The following CDH20 variants were observed in gnomAD, a reference collection of about 807,000 sequenced individuals.
The protein encoded by CDH20 is cadherin-20.
CDH20 carries 29 observed loss-of-function variants against 74.2 expected under a neutral mutation model. The ratio of observed to expected loss-of-function variants is 0.39; its 90% CI spans 0.29 to 0.53. CDH20 has a LOEUF of 0.53. Among genes scored for constraint, CDH20 ranks in the 20% least tolerant of loss-of-function variants. The pLI, the probability that CDH20 is intolerant of heterozygous loss-of-function variation, is 0.69. For synonymous variants in CDH20, 469 were observed against 405.4 expected, an observed-to-expected ratio of 1.16 and a Z score of -1.88; for missense variants, 988 against 1,048.3, an observed-to-expected ratio of 0.94 and a Z score of 0.79.
chr18:61,499,031 C>G (rs1911267250), intron 2 of CDH20, among the ~76,000 whole-genome samples, 155 bp from the exon 3 acceptor site: 1 of 152,034 alleles, frequency 6.6e-6, no homozygotes, highest in African/African-American at 2.4e-5. Context: ...CAATCGTGTC[C>G]AATGCATACT....
chr18:61,461,547 T>G lies in CDH20; in HGVS notation c.-152-28855T>G, dbSNP rs77429548. Among the ~76,000 whole-genome samples the G allele has an allele frequency of 3.3e-3, 496 of 152,248 alleles. 2 individuals carry two copies. Among genetic ancestry groups the G allele is most frequent in the African/African-American group, 0.012 (481 of 41,560 alleles). On this transcript the variant is annotated intron_variant, in intron 1 of 11. Transcript: ENST00000262717. ...TCTTCTCATGACCTCCTTCCCTGTG[T>G]GTCTGTCTGCTCCTATTCTTAGAAG... is the stretch of plus-strand genomic sequence containing the variant.
chr18:61,449,198 C>T (rs1909300255), intron 1 of CDH20, among the ~76,000 whole-genome samples: 1 of 152,124 alleles, frequency 6.6e-6, no homozygotes, highest in South Asian at 2.1e-4. Context: ...ATGTCTTTCG[C>T]TTAAAATTAA....
intron 10 of CDH20, among the ~76,000 whole-genome samples, chr18:61,546,793 A>G (rs577766903): frequency 1.3e-5 from 2 of 152,210 alleles, no homozygotes; most frequent in South Asian, 4.2e-4. Context: ...ATCTCTTGGA[A>G]GGTTTCCCAA....
At chr18:61,500,329 A>G (rs1911330403) in intron 3 of CDH20, 54 bp from the exon 4 acceptor site, 1 of 1,579,706 alleles carries the variant, frequency 6.3e-7, no homozygotes, top group Non-Finnish European at 8.6e-7. Context: ...TCAGGATTGC[A>G]TCCAGCCTTT....
At chr18:61,501,580 T>C (rs1246579265) in intron 4 of CDH20, among the ~76,000 whole-genome samples, 4 of 152,148 alleles carry the variant, frequency 2.6e-5, no homozygotes, top group Non-Finnish European at 4.4e-5. Flanking sequence ...ACCTCTTTAT[T>C]TGAAAAAGAA....
At chr18:61,536,264 T>G (rs1912814117) in intron 7 of CDH20, among the ~76,000 whole-genome samples, 3 of 152,212 alleles carry the variant, frequency 2.0e-5, no homozygotes, top group Admixed American at 2.0e-4. Flanking sequence ...GGCACCCTGT[T>G]TATTTCATTT....
At chr18:61,393,922 T>C (rs1321389111) in intron 1 of CDH20, among the ~76,000 whole-genome samples, 1 of 152,188 alleles carries the variant, frequency 6.6e-6, no homozygotes, top group Non-Finnish European at 1.5e-5. Flanking sequence ...CTAAGATTCC[T>C]TACCTGCAAA....
intron 1 of CDH20, among the ~76,000 whole-genome samples, chr18:61,389,558 A>T (rs751940546): frequency 6.6e-6 from 1 of 152,218 alleles, no homozygotes; most frequent in African/African-American, 2.4e-5. Flanking sequence ...TGTCCCAGAC[A>T]TTGTTCTAAG....
chr18:61,486,784 A>G (rs1270430062), intron 1 of CDH20, among the ~76,000 whole-genome samples: 2 of 152,180 alleles, frequency 1.3e-5, no homozygotes, highest in Non-Finnish European at 2.9e-5. Flanking sequence ...CATCTTCTTA[A>G]ACAAAGTCAC....
chr18:61,432,395 C>T (rs545235390), intron 1 of CDH20, among the ~76,000 whole-genome samples: 1 of 152,114 alleles, frequency 6.6e-6, no homozygotes, highest in African/African-American at 2.4e-5. Context: ...CCATCCACAA[C>T]TGGTGCCCAG....
intron 1 of CDH20, among the ~76,000 whole-genome samples, chr18:61,429,032 C>A (rs1913166490): frequency 6.6e-6 from 1 of 152,160 alleles, no homozygotes; most frequent in African/African-American, 2.4e-5. Flanking sequence ...TGTGACATAT[C>A]TTAGGGAACA....
intron 1 of CDH20, among the ~76,000 whole-genome samples, chr18:61,341,431 C>T (rs1033974597): frequency 1.3e-5 from 2 of 151,372 alleles, no homozygotes; most frequent in Non-Finnish European, 1.5e-5. Context: ...AGCCCCCCCC[C>T]CGCCTAATGC....
intron 1 of CDH20, among the ~76,000 whole-genome samples, chr18:61,462,726 G>GT (rs1453230165): frequency 5.3e-5 from 4 of 74,864 alleles, no homozygotes; most frequent in Admixed American, 2.6e-4. Flanking sequence ...AAAAAAAAAG[G>GT]GGGGGGGGGC....
intron 1 of CDH20, among the ~76,000 whole-genome samples, chr18:61,337,430 A>G (rs1374155715): frequency 1.3e-5 from 2 of 152,226 alleles, no homozygotes; most frequent in East Asian, 1.9e-4. Flanking sequence ...AAATAGCACC[A>G]GATTGTTATG....
chr18:61,417,935 A>C (rs1450079325), intron 1 of CDH20, among the ~76,000 whole-genome samples: 1 of 152,218 alleles, frequency 6.6e-6, no homozygotes, highest in East Asian at 1.9e-4. Flanking sequence ...AATATGTATA[A>C]CTGTTAAGTA....
At chr18:61,533,318 GA>G (rs1294701800) in intron 7 of CDH20, among the ~76,000 whole-genome samples, 3 of 151,242 alleles carry the variant, frequency 2.0e-5, no homozygotes, top group Non-Finnish European at 1.5e-5. Flanking sequence ...TCTAAAGAAA[GA>G]AAAAAAAGTG....
intron 1 of CDH20, among the ~76,000 whole-genome samples, chr18:61,462,723 A>AG (rs770273987): frequency 0.034 from 4,304 of 128,114 alleles, 184 homozygotes; most frequent in Middle Eastern, 0.055. Flanking sequence ...CAAAAAAAAA[A>AG]AGGGGGGGGG....
chr18:61,445,569 G>A (rs1299177526), intron 1 of CDH20, among the ~76,000 whole-genome samples: 4 of 152,276 alleles, frequency 2.6e-5, no homozygotes, highest in South Asian at 4.1e-4. Context: ...GAAATGTTAA[G>A]TAACCTATTC....
At chr18:61,483,002 T>C (rs942795376) in intron 1 of CDH20, among the ~76,000 whole-genome samples, 1 of 152,250 alleles carries the variant, frequency 6.6e-6, no homozygotes, top group Non-Finnish European at 1.5e-5. Context: ...ACAGGCCCTT[T>C]GCATCCTGCA....
Sources: allele counts gnomAD v4.1 joint callset (sites outside exome capture counted in the v4.1 genomes callset), GRCh38; gene constraint gnomAD v4.1.1; transcripts MANE v1.5; gene names NCBI Gene and HGNC (gene_info 2026-07-23, HGNC 2026-07-21).